PNMA8C: variants seen among roughly 807,000 people sequenced by gnomAD.
The protein encoded by PNMA8C is PNMA family member 8C.
chr19:46,428,385 T>C lies in PNMA8C; in HGVS notation c.-26A>G, dbSNP rs1007440317. The C allele has an allele frequency of 2.5e-6, 1 of 398,588 alleles. No individual in the cohort carries two copies. Among genetic ancestry groups the C allele is most frequent in the African/African-American group, 2.1e-5 (1 of 48,642 alleles). The allele number at this position is 398,588 out of a possible 1,614,324, so 24.7% of individuals were successfully genotyped here. Reference sequence around the variant, plus strand: ...CTTGCCCAACTCTTTGAGGCAGCAGTATGCCCGCTGGTGGACACCTGAGCT... The same window carrying C: ...CTTGCCCAACTCTTTGAGGCAGCAGCATGCCCGCTGGTGGACACCTGAGCT... On this transcript the variant is annotated 5_prime_UTR_variant, in exon 1 of 1. It adds an upstream start codon to the 5' untranslated region. Transcript: ENST00000617053.
At position 46,428,147 on chromosome 19, in the gene PNMA8C, G is replaced by A. The variant is rs1471407699; in HGVS notation, c.213C>T (p.Ile71=). ...AATTGATGTCCTCCGTCAGCTGAAT[G>A]ATGGCCGCCTTGGATTTATCTTCTT... ...YLEEDKSKAA[I]IQLTEDINYA... Residue 71 remains isoleucine (I), a synonymous_variant, in exon 1 of 1, where the codon ATC becomes ATT. Coordinates refer to ENST00000617053, the MANE Select transcript of PNMA8C (RefSeq NM_001386793.1). The A allele has an allele frequency of 2.5e-6, 1 of 398,612 alleles. No homozygotes were observed. The highest frequency in any genetic ancestry group is 4.4e-6 in the Non-Finnish European group (1 of 226,144). 24.7% of individuals were successfully genotyped at this position (398,612 alleles called of 1,614,324 possible).
rs919424753 is a variant in PNMA8C at position 46,428,569 on chromosome 19, G to A, written c.-210C>T. ...TGCCTGCAGGGCTGTGCAACGTCGG[G>A]GCTTCTGTGGCTCCCTCTGAGTGGG... On this transcript the variant is annotated 5_prime_UTR_variant, in exon 1 of 1. Coordinates refer to ENST00000617053, the MANE Select transcript of PNMA8C (RefSeq NM_001386793.1). The A allele has an allele frequency of 1.3e-5, 5 of 393,342 alleles. No individual in the cohort carries two copies. The highest frequency in any genetic ancestry group is 1.0e-4 in the African/African-American group (5 of 48,578). 24.4% of individuals were successfully genotyped at this position (393,342 alleles called of 1,614,324 possible).
Position 46,424,985 on chromosome 19 carries a change from A to ATTTC in PNMA8C, c.*2759_*2760insGAAA, listed in dbSNP as rs1969409185. On this transcript the variant is annotated 3_prime_UTR_variant, in exon 1 of 1. Coordinates refer to ENST00000617053, the MANE Select transcript of PNMA8C (RefSeq NM_001386793.1). Reference sequence around the variant, plus strand: ...ACACTTTGGTCCAGAAAATCTTGAAAGAGAAGTGGTAGGATTTTGATTTCA... The same window carrying ATTTC: ...ACACTTTGGTCCAGAAAATCTTGAAATTTCGAGAAGTGGTAGGATTTTGATTTCA... 6.6e-6 allele frequency: 1 copy of ATTTC among 152,234 alleles called. No homozygotes were observed. Among genetic ancestry groups the ATTTC allele is most frequent in the Non-Finnish European group, 1.5e-5 (1 of 68,042 alleles). The allele number at this position is 152,234 out of a possible 1,614,324, so 9.4% of individuals were successfully genotyped here.
At position 46,426,383 on chromosome 19, in the gene PNMA8C, G is replaced by C. The variant is rs1969420114; in HGVS notation, c.*1362C>G. ...TCAAGAGCCGCTTACAGATCAGTGAGTTCCTCAGAGGTGGGGAGCAGGCAA... is the reference window on the plus strand; with the variant it reads ...TCAAGAGCCGCTTACAGATCAGTGACTTCCTCAGAGGTGGGGAGCAGGCAA... On this transcript the variant is annotated 3_prime_UTR_variant, in exon 1 of 1. Transcript: ENST00000617053. 2 of 152,112 alleles carry C rather than the reference G, an allele frequency of 1.3e-5. No individual in the cohort carries two copies. The highest frequency in any genetic ancestry group is 2.9e-5 in the Non-Finnish European group (2 of 68,052). 9.4% of individuals were successfully genotyped at this position (152,112 alleles called of 1,614,324 possible). A position where few individuals can be genotyped will look rare whatever the true frequency, so the allele number is the denominator to read the frequency against.
At position 46,426,049 on chromosome 19, in the gene PNMA8C, A is replaced by G. The variant is rs150562817; in HGVS notation, c.*1696T>C. On this transcript the variant is annotated 3_prime_UTR_variant, in exon 1 of 1. Transcript: ENST00000617053. The stretch of plus-strand genomic sequence containing the variant: ...CAGGTCCGTTGTCTCTGAGCAAAAG[A>G]TCTGCCTACTCACATGTATTTGGAT... The G allele has an allele frequency of 6.6e-6, 1 of 152,354 alleles. No individual in the cohort carries two copies. The highest frequency in any genetic ancestry group is 2.4e-5 in the African/African-American group (1 of 41,588). 9.4% of individuals were successfully genotyped at this position (152,354 alleles called of 1,614,324 possible). A position where few individuals can be genotyped will look rare whatever the true frequency, so the allele number is the denominator to read the frequency against.
In PNMA8C at chr19:46,426,699, G is replaced by C. The variant is rs1969422520; in HGVS notation, c.*1046C>G. The C allele has an allele frequency of 6.6e-6, 1 of 152,232 alleles. No individual in the cohort carries two copies. The highest frequency in any genetic ancestry group is 1.5e-5 in the Non-Finnish European group (1 of 68,070). 9.4% of individuals were successfully genotyped at this position (152,232 alleles called of 1,614,324 possible). A position where few individuals can be genotyped will look rare whatever the true frequency, so the allele number is the denominator to read the frequency against. On this transcript the variant is annotated 3_prime_UTR_variant, in exon 1 of 1. Transcript: ENST00000617053. ...TCCCTGACACGTTCCTCCTGGGTCT[G>C]CGTGAGTTTTCTTCAACTCCAGTAA... is the stretch of plus-strand genomic sequence containing the variant.
At position 46,426,762 on chromosome 19, in the gene PNMA8C, C is replaced by T. The variant is rs965648305; in HGVS notation, c.*983G>A. 1 of 152,306 alleles carries T rather than the reference C, an allele frequency of 6.6e-6. No homozygotes were observed. Among genetic ancestry groups the T allele is most frequent in the African/African-American group, 2.4e-5 (1 of 41,474 alleles). The allele number at this position is 152,306 out of a possible 1,614,324, so 9.4% of individuals were successfully genotyped here. A position where few individuals can be genotyped will look rare whatever the true frequency, so the allele number is the denominator to read the frequency against. ...ACCTTGGAATCCAGGACCGTTTCCA[C>T]CTCCTCCATTTTCTGCAAAGGGCGC... On this transcript the variant is annotated 3_prime_UTR_variant, in exon 1 of 1. Coordinates refer to ENST00000617053, the MANE Select transcript of PNMA8C (RefSeq NM_001386793.1).
rs188523126 is a variant in PNMA8C at position 46,425,842 on chromosome 19, T to C, written c.*1903A>G. On this transcript the variant is annotated 3_prime_UTR_variant, in exon 1 of 1. Coordinates refer to ENST00000617053, the MANE Select transcript of PNMA8C (RefSeq NM_001386793.1). The stretch of plus-strand genomic sequence containing the variant: ...AGTCAGAGGTTGCAGTGAGCTGAGA[T>C]TGCACCTCTGCACTCCAGCCTGGTG... The C allele has an allele frequency of 1.3e-4, 20 of 152,118 alleles. No individual in the cohort carries two copies. Among genetic ancestry groups the C allele is most frequent in the African/African-American group, 4.6e-4 (19 of 41,506 alleles). 9.4% of individuals were successfully genotyped at this position (152,118 alleles called of 1,614,324 possible). A position where few individuals can be genotyped will look rare whatever the true frequency, so the allele number is the denominator to read the frequency against.
chr19:46,427,981 G>T lies in PNMA8C; in HGVS notation c.379C>A (p.Arg127=). ...GGACACAGTTCCTGCCTCAGGACCC[G>T]GGCCATATCCTCCACCGTCCTGCCC... The part of the protein sequence containing the change: ...SEGRTVEDMA[R]VLRQELCPPA... The change falls in exon 1 of 1, where the codon CGG becomes AGG. Residue 127 remains arginine, a synonymous_variant. Coordinates refer to ENST00000617053, the MANE Select transcript of PNMA8C (RefSeq NM_001386793.1). 2.5e-6 allele frequency: 1 copy of T among 398,574 alleles called. No homozygotes were observed. The highest frequency in any genetic ancestry group is 4.4e-6 in the Non-Finnish European group (1 of 226,132). The allele number at this position is 398,574 out of a possible 1,614,324, so 24.7% of individuals were successfully genotyped here. A position where few individuals can be genotyped will look rare whatever the true frequency, so the allele number is the denominator to read the frequency against.
At position 46,427,888 on chromosome 19, in the gene PNMA8C, C is replaced by T; in HGVS notation, c.472G>A (p.Glu158Lys). 2 of 398,728 alleles carry T rather than the reference C, an allele frequency of 5.0e-6. No individual in the cohort carries two copies. The highest frequency in any genetic ancestry group is 8.8e-6 in the Non-Finnish European group (2 of 226,128). The allele number at this position is 398,728 out of a possible 1,614,324, so 24.7% of individuals were successfully genotyped here. The part of the protein sequence containing the change: ...CSVPGLGEKP[E>K]AGATVQMDVV... Reference sequence around the variant, plus strand: ...TCCATCTGGACGGTGGCCCCAGCCTCCGGTTTCTCCCCCAGCCCAGGCACA... The same window carrying T: ...TCCATCTGGACGGTGGCCCCAGCCTTCGGTTTCTCCCCCAGCCCAGGCACA... Residue 158 changes from glutamate to lysine, a missense_variant, in exon 1 of 1, where the codon GAG becomes AAG. Coordinates refer to ENST00000617053, the MANE Select transcript of PNMA8C (RefSeq NM_001386793.1).
Position 46,425,422 on chromosome 19 carries a change from T to C in PNMA8C, c.*2323A>G, listed in dbSNP as rs1001150422. ...GGCTAATACGGTGAAACCCTGTCTC[T>C]ACTAAAAATACAAAAATTAGCTGGG... On this transcript the variant is annotated 3_prime_UTR_variant, in exon 1 of 1. Coordinates refer to ENST00000617053, the MANE Select transcript of PNMA8C (RefSeq NM_001386793.1). The C allele has an allele frequency of 6.6e-6, 1 of 151,806 alleles. No homozygotes were observed. Among genetic ancestry groups the C allele is most frequent in the Non-Finnish European group, 1.5e-5 (1 of 68,016 alleles). 9.4% of individuals were successfully genotyped at this position (151,806 alleles called of 1,614,324 possible).
At position 46,428,278 on chromosome 19, in the gene PNMA8C, T is replaced by C. The variant is rs1969435015; in HGVS notation, c.82A>G (p.Ile28Val). 3 of 398,554 alleles carry C rather than the reference T, an allele frequency of 7.5e-6. No homozygotes were observed. Among genetic ancestry groups the C allele is most frequent in the Non-Finnish European group, 1.3e-5 (3 of 226,122 alleles). 24.7% of individuals were successfully genotyped at this position (398,554 alleles called of 1,614,324 possible). A position where few individuals can be genotyped will look rare whatever the true frequency, so the allele number is the denominator to read the frequency against. ...LEVDSYKSLM[I>V]LGIPEDCNHE... ...TTGCAGTCCTCCGGGATCCCCAGGATCATCAGGGACTTGTAACTGTCCACC... is the reference window on the plus strand; with the variant it reads ...TTGCAGTCCTCCGGGATCCCCAGGACCATCAGGGACTTGTAACTGTCCACC... The change falls in exon 1 of 1, where the codon ATC (isoleucine) becomes GTC (valine). Residue 28 changes from isoleucine to valine, a missense_variant. Ile to Val is a conservative substitution (Grantham distance 29, BLOSUM62 3). Coordinates refer to ENST00000617053, the MANE Select transcript of PNMA8C (RefSeq NM_001386793.1).
Position 46,425,483 on chromosome 19 carries a change from G to C in PNMA8C, c.*2262C>G, listed in dbSNP as rs1969413148. 6.9e-6 allele frequency: 1 copy of C among 144,890 alleles called. No individual in the cohort carries two copies. Among genetic ancestry groups the C allele is most frequent in the Non-Finnish European group, 1.5e-5 (1 of 68,098 alleles). The allele number at this position is 144,890 out of a possible 1,614,324, so 9.0% of individuals were successfully genotyped here. On this transcript the variant is annotated 3_prime_UTR_variant, in exon 1 of 1. Coordinates refer to ENST00000617053, the MANE Select transcript of PNMA8C (RefSeq NM_001386793.1). Reference sequence around the variant, plus strand: ...CGCACCTGTAGTCCCAGATACTCAGGAGGCTGAGGCAGGAGAATCACTTGA... The same window carrying C: ...CGCACCTGTAGTCCCAGATACTCAGCAGGCTGAGGCAGGAGAATCACTTGA...
In PNMA8C at chr19:46,428,512, C is replaced by T. The variant is rs1297490662; in HGVS notation, c.-153G>A. The T allele has an allele frequency of 7.6e-6, 3 of 397,122 alleles. No homozygotes were observed. The highest frequency in any genetic ancestry group is 4.4e-5 in the Admixed American group (1 of 22,696). The allele number at this position is 397,122 out of a possible 1,614,324, so 24.6% of individuals were successfully genotyped here. A position where few individuals can be genotyped will look rare whatever the true frequency, so the allele number is the denominator to read the frequency against. ...CCGGAGGCCGCTCCCAGGACCCCTT[C>T]GTCCAGCTCAGTGAAGGATGCCCCC... On this transcript the variant is annotated 5_prime_UTR_variant, in exon 1 of 1. Transcript: ENST00000617053.
Position 46,426,896 on chromosome 19 carries a change from G to T in PNMA8C, c.*849C>A, listed in dbSNP as rs1442195237. ...GGTCCCGCGGGGTCTCCCGAGTAGC[G>T]GAAGATATTTGTGGGTCTTTGAGAC... On this transcript the variant is annotated 3_prime_UTR_variant, in exon 1 of 1. Coordinates refer to ENST00000617053, the MANE Select transcript of PNMA8C (RefSeq NM_001386793.1). 1.3e-5 allele frequency: 2 copies of T among 152,276 alleles called. No individual in the cohort carries two copies. The highest frequency in any genetic ancestry group is 4.8e-5 in the African/African-American group (2 of 41,470). 9.4% of individuals were successfully genotyped at this position (152,276 alleles called of 1,614,324 possible).
In PNMA8C at chr19:46,428,368, A is replaced by G. The variant is rs1303794439; in HGVS notation, c.-9T>C. ...TTCACCCCGAACAGCATCTTGCCCA[A>G]CTCTTTGAGGCAGCAGTATGCCCGC... On this transcript the variant is annotated 5_prime_UTR_variant, in exon 1 of 1. Coordinates refer to ENST00000617053, the MANE Select transcript of PNMA8C (RefSeq NM_001386793.1). 1 of 398,088 alleles carries G rather than the reference A, an allele frequency of 2.5e-6. No homozygotes were observed. The highest frequency in any genetic ancestry group is 4.4e-6 in the Non-Finnish European group (1 of 226,034). The allele number at this position is 398,088 out of a possible 1,614,324, so 24.7% of individuals were successfully genotyped here. A position where few individuals can be genotyped will look rare whatever the true frequency, so the allele number is the denominator to read the frequency against.
In PNMA8C at chr19:46,427,626, T is replaced by A; in HGVS notation, c.*119A>T. 4 of 394,600 alleles carry A rather than the reference T, an allele frequency of 1.0e-5. No individual in the cohort carries two copies. Among genetic ancestry groups the A allele is most frequent in the East Asian group, 3.6e-5 (1 of 27,866 alleles). 24.4% of individuals were successfully genotyped at this position (394,600 alleles called of 1,614,324 possible). On this transcript the variant is annotated 3_prime_UTR_variant, in exon 1 of 1. Transcript: ENST00000617053. ...CCACTCACTAGAGTCATTCCCACCC[T>A]CCCTTGCATTACCCACACTCACTCG...
In PNMA8C at chr19:46,427,281, C is replaced by A. The variant is rs1214094449; in HGVS notation, c.*464G>T. On this transcript the variant is annotated 3_prime_UTR_variant, in exon 1 of 1. Coordinates refer to ENST00000617053, the MANE Select transcript of PNMA8C (RefSeq NM_001386793.1). ...GATTTTATGATCATTCAGCTGTTAC[C>A]CACATGTACTCAAATGCTACCTACG... The A allele has an allele frequency of 6.5e-6, 1 of 153,182 alleles. No individual in the cohort carries two copies. The highest frequency in any genetic ancestry group is 2.4e-5 in the African/African-American group (1 of 41,474). The allele number at this position is 153,182 out of a possible 1,614,324, so 9.5% of individuals were successfully genotyped here.
In PNMA8C at chr19:46,425,237, C is replaced by T. The variant is rs935960445; in HGVS notation, c.*2508G>A. On this transcript the variant is annotated 3_prime_UTR_variant, in exon 1 of 1. Transcript: ENST00000617053. ...AAGCTCAGACTCTGGGATGCAATAA[C>T]GAACACAGTAGTACAATATTCTGCG... 8 of 152,122 alleles carry T rather than the reference C, an allele frequency of 5.3e-5. No individual in the cohort carries two copies. Among genetic ancestry groups the T allele is most frequent in the Admixed American group, 3.9e-4 (6 of 15,256 alleles). The allele number at this position is 152,122 out of a possible 1,614,324, so 9.4% of individuals were successfully genotyped here.
Sources: allele counts gnomAD v4.1 joint callset, GRCh38; gene constraint gnomAD v4.1.1; transcripts MANE v1.5; gene names NCBI Gene and HGNC (gene_info 2026-07-23, HGNC 2026-07-21).